The following MEIKIN variants were observed in gnomAD, a reference collection of about 807,000 sequenced individuals.
MEIKIN encodes the protein meiotic kinetochore factor, also known as meiosis-specific kinetochore protein.
chr5:131,922,129 G>T (rs1000345822), intron 5 of MEIKIN, among the ~76,000 whole-genome samples, 188 bp from the exon 6 acceptor site: 6 of 152,124 alleles, frequency 3.9e-5, no homozygotes, highest in Non-Finnish European at 8.8e-5. Context: ...GTCTATTCTG[G>T]TTCTCTTACC....
intron 5 of MEIKIN, among the ~76,000 whole-genome samples, chr5:131,929,192 T>C (rs1366191119): frequency 6.6e-6 from 1 of 152,246 alleles, no homozygotes; most frequent in Non-Finnish European, 1.5e-5. Flanking sequence ...CCCCTGTACA[T>C]GTCAAGTCAC....
intron 12 of MEIKIN, among the ~76,000 whole-genome samples, chr5:131,812,031 T>C (rs776368151): frequency 8.5e-5 from 13 of 152,196 alleles, no homozygotes; most frequent in Admixed American, 3.3e-4. Flanking sequence ...CACCCTAGAA[T>C]TCCCCCTTGT....
chr5:131,936,075 T>C (rs1276109694), intron 4 of MEIKIN, among the ~76,000 whole-genome samples: 1 of 152,172 alleles, frequency 6.6e-6, no homozygotes, highest in Non-Finnish European at 1.5e-5. Flanking sequence ...AGCTGAGCTA[T>C]CCTTAACACC....
At chr5:131,906,359 A>G (rs1751242277) in intron 8 of MEIKIN, among the ~76,000 whole-genome samples, 1 of 152,172 alleles carries the variant, frequency 6.6e-6, no homozygotes, top group African/African-American at 2.4e-5. Context: ...AAAAAGTAAA[A>G]AAGTAACAGA....
chr5:131,934,925 A>G (rs1015317949), intron 4 of MEIKIN, among the ~76,000 whole-genome samples: 74 of 152,106 alleles, frequency 4.9e-4, no homozygotes, highest in African/African-American at 1.7e-3. Flanking sequence ...GCGTGGCAAC[A>G]TGCACCTGTA....
Position 131,873,622 on chromosome 5 carries a change from T to C in MEIKIN, c.774+5356A>G, listed in dbSNP as rs146730677. 3.7e-3 allele frequency among the ~76,000 whole-genome samples: 560 copies of C among 152,270 alleles called. 4 individuals carry two copies. The highest frequency in any genetic ancestry group is 0.013 in the African/African-American group (530 of 41,552). On this transcript the variant is annotated intron_variant, in intron 9 of 12. Transcript: ENST00000442687. ...GAAAGTTAACAAGGATACCGAGGAA[T>C]TGAACTCAGCTATGCACCAAGCGGA... is the stretch of plus-strand genomic sequence containing the variant.
At chr5:131,861,546 C>T (rs1750286240) in intron 9 of MEIKIN, among the ~76,000 whole-genome samples, 2 of 152,138 alleles carry the variant, frequency 1.3e-5, no homozygotes, top group South Asian at 4.1e-4. Context: ...AGAGGAAAGG[C>T]TTTCAACTTT....
chr5:131,836,016 C>T (rs948329232), intron 11 of MEIKIN, among the ~76,000 whole-genome samples: 4 of 152,084 alleles, frequency 2.6e-5, no homozygotes, highest in Admixed American at 2.0e-4. Context: ...GCCTAGTACC[C>T]ATTAGTTATT....
At chr5:131,811,994 T>C (rs1277096664) in intron 12 of MEIKIN, among the ~76,000 whole-genome samples, 1 of 152,180 alleles carries the variant, frequency 6.6e-6, no homozygotes, top group Admixed American at 6.5e-5. Flanking sequence ...TAAACAGCAC[T>C]GACATAAGGA....
At chr5:131,821,430 G>A (rs1199563915) in intron 11 of MEIKIN, among the ~76,000 whole-genome samples, 1 of 152,074 alleles carries the variant, frequency 6.6e-6, no homozygotes, top group Admixed American at 6.6e-5. Context: ...CCTGTCCTTT[G>A]AGAATGATTC....
intron 9 of MEIKIN, among the ~76,000 whole-genome samples, chr5:131,859,160 A>G (rs1309332585): frequency 2.0e-5 from 3 of 152,362 alleles, no homozygotes; most frequent in East Asian, 1.9e-4. Flanking sequence ...CATAGCAAAG[A>G]CATGGAATCA....
chr5:131,872,596 T>C lies in MEIKIN; in HGVS notation c.774+6382A>G, dbSNP rs1750526182. Among the ~76,000 whole-genome samples the C allele has an allele frequency of 1.3e-5, 2 of 152,174 alleles. 1 individual carries two copies. Among genetic ancestry groups the C allele is most frequent in the African/African-American group, 4.8e-5 (2 of 41,436 alleles). ...TCTGCAGGATATTATCCAGGAGAACTTCCCCAATCTAGCAAGGCAGGCCAA... is the reference window on the plus strand; with the variant it reads ...TCTGCAGGATATTATCCAGGAGAACCTCCCCAATCTAGCAAGGCAGGCCAA... On this transcript the variant is annotated intron_variant, in intron 9 of 12. Coordinates refer to ENST00000442687, the MANE Select transcript of MEIKIN (RefSeq NM_001303622.2).
At chr5:131,912,702 A>C (rs1751350158) in intron 7 of MEIKIN, among the ~76,000 whole-genome samples, 1 of 152,180 alleles carries the variant, frequency 6.6e-6, no homozygotes, top group Non-Finnish European at 1.5e-5. Context: ...CTCTGAATGA[A>C]CTTTCAGGTA....
At chr5:131,812,639 G>A (rs923581032) in intron 12 of MEIKIN, among the ~76,000 whole-genome samples, 6 of 151,850 alleles carry the variant, frequency 4.0e-5, no homozygotes, top group African/African-American at 1.4e-4. Flanking sequence ...CTCACTGAGT[G>A]ACCTAAAAAG....
At chr5:131,848,992 G>C (rs2149614176) in intron 11 of MEIKIN, among the ~76,000 whole-genome samples, 1 of 152,272 alleles carries the variant, frequency 6.6e-6, no homozygotes, top group East Asian at 1.9e-4. Context: ...TGCTGAAAAA[G>C]CATTTGACAA....
At chr5:131,917,591 A>C (rs1363570101) in intron 6 of MEIKIN, among the ~76,000 whole-genome samples, 2 of 151,858 alleles carry the variant, frequency 1.3e-5, no homozygotes, top group South Asian at 4.1e-4. Context: ...AAAATTAGAA[A>C]ACTCACAGTC....
chr5:131,895,839 A>C (rs1336934438), intron 8 of MEIKIN, among the ~76,000 whole-genome samples: 1 of 152,026 alleles, frequency 6.6e-6, no homozygotes, highest in Non-Finnish European at 1.5e-5. Context: ...AAAAACCAGC[A>C]CCTGGATTCA....
chr5:131,902,017 GA>G (rs1356093211), intron 8 of MEIKIN, among the ~76,000 whole-genome samples: 2 of 152,120 alleles, frequency 1.3e-5, no homozygotes, highest in Non-Finnish European at 2.9e-5. Context: ...TCATGATAGT[GA>G]GTTCTCATGA....
intron 9 of MEIKIN, among the ~76,000 whole-genome samples, chr5:131,874,636 C>A (rs958356524): frequency 1.2e-4 from 18 of 152,308 alleles, no homozygotes; most frequent in African/African-American, 2.9e-4. Context: ...TCCTCCCTAA[C>A]TCATTTTATG....
Sources: allele counts gnomAD v4.1 joint callset (sites outside exome capture counted in the v4.1 genomes callset), GRCh38; gene constraint gnomAD v4.1.1; transcripts MANE v1.5; gene names NCBI Gene and HGNC (gene_info 2026-07-23, HGNC 2026-07-21).